TRIP6: variants seen among roughly 807,000 people sequenced by gnomAD.
TRIP6 encodes thyroid hormone receptor interactor 6.
A neutral mutation model predicts 51.9 loss-of-function variants in TRIP6; 33 were observed. The observed-to-expected ratio is 0.64, with a 90% confidence interval of 0.48 to 0.85. The LOEUF (loss-of-function observed/expected upper bound fraction) is 0.85. Among genes scored for constraint, TRIP6 ranks in the 40% least tolerant of loss-of-function variants. The pLI, the probability that TRIP6 is intolerant of heterozygous loss-of-function variation, is 0.00. For missense variants in TRIP6, 661 were observed against 652.1 expected, an observed-to-expected ratio of 1.01 and a Z score of -0.15; for synonymous variants, 255 against 275.8, an observed-to-expected ratio of 0.92 and a Z score of 0.75.
rs1235909110 is a variant in TRIP6, at chr7:100,873,344, C to T, written c.*41C>T. On this transcript the variant is annotated 3_prime_UTR_variant, in exon 9 of 9. Transcript: ENST00000200457. Reference sequence around the variant, plus strand: ...CCTGCTGGGTTCTCAGTTCCAGTTCCCATCCTTTGATTGATCACTCTCCCT... The same window carrying T: ...CCTGCTGGGTTCTCAGTTCCAGTTCTCATCCTTTGATTGATCACTCTCCCT... 2.5e-6 allele frequency: 4 copies of T among 1,572,656 alleles called. No homozygotes were observed. The highest frequency in any genetic ancestry group is 1.7e-4 in the Middle Eastern group (1 of 5,754).
rs188891142 is a variant in TRIP6 at position 100,869,360 on chromosome 7, C to T, written c.735+494C>T. On this transcript the variant is annotated intron_variant, in intron 4 of 8. Coordinates refer to ENST00000200457, the MANE Select transcript of TRIP6 (RefSeq NM_003302.3). Reference sequence around the variant, plus strand: ...TAGAACTGCCCATTGGGGCTGAGCGCGGTGGCTCATGCCTGTAATCCCAGC... The same window carrying T: ...TAGAACTGCCCATTGGGGCTGAGCGTGGTGGCTCATGCCTGTAATCCCAGC... Among the ~76,000 whole-genome samples, 194 of 150,010 alleles carry T rather than the reference C, an allele frequency of 1.3e-3. 2 individuals are homozygous for T. The highest frequency in any genetic ancestry group is 4.4e-3 in the African/African-American group (180 of 40,966).
At chr7:100,872,439 GA>G (rs1815294597) in intron 7 of TRIP6, among the ~76,000 whole-genome samples, 184 bp from the exon 8 acceptor site, 1 of 152,098 alleles carries the variant, frequency 6.6e-6, no homozygotes, top group South Asian at 2.1e-4. Flanking sequence ...AAAGTCGGGG[GA>G]TTGCAGGCTA....
chr7:100,871,973 C>T (rs1482431125), intron 7 of TRIP6, among the ~76,000 whole-genome samples: 2 of 150,982 alleles, frequency 1.3e-5, no homozygotes, highest in Non-Finnish European at 2.9e-5. Context: ...GTAGCTGGGA[C>T]TACGGGTGCA....
chr7:100,871,163 C>A, intron 6 of TRIP6: 1 of 474,782 alleles, frequency 2.1e-6, no homozygotes, highest in Non-Finnish European at 4.1e-6. Flanking sequence ...GGCTCCCGAG[C>A]AGTTGGGATT....
chr7:100,867,734 G>A lies in TRIP6; in HGVS notation c.110-127G>A, dbSNP rs1815172428. 5.3e-6 allele frequency: 8 copies of A among 1,518,448 alleles called. No homozygotes were observed. The African/African-American group carries it at 7.0e-5, about 13-fold the overall frequency. The allele number at this position is 1,518,448 out of a possible 1,614,324, so 94.1% of individuals were successfully genotyped here. A position where few individuals can be genotyped will look rare whatever the true frequency, so the allele number is the denominator to read the frequency against. ...CCAAGCCGAGGCGGGGGGAACAGCC[G>A]CCTGCGCTCTCTTGGGACCCTAGAT... On this transcript the variant is annotated intron_variant, in intron 1 of 8. Coordinates refer to ENST00000200457, the MANE Select transcript of TRIP6 (RefSeq NM_003302.3). This position sits in a 1 kb window ranked among gnomAD's most constrained non-coding sequence, Gnocchi z 5.4.
At chr7:100,870,116 C>G (rs931639619) in intron 4 of TRIP6, among the ~76,000 whole-genome samples, 1 of 152,146 alleles carries the variant, frequency 6.6e-6, no homozygotes, top group African/African-American at 2.4e-5. Flanking sequence ...CTACATCCTT[C>G]GAACACACAG....
In TRIP6 at chr7:100,870,469, C is replaced by A; in HGVS notation, c.829+6C>A. The stretch of plus-strand genomic sequence containing the variant: ...GCCCAGCGGGGAGTACTTTGGTGAG[C>A]TGAGGCTGTGGGGTGGGTGGGACGT... On this transcript the variant is annotated splice_donor_region_variant and intron_variant, in intron 5 of 8. Transcript: ENST00000200457. 6.3e-7 allele frequency: 1 copy of A among 1,599,708 alleles called. No individual in the cohort carries two copies. Among genetic ancestry groups the A allele is most frequent in the Non-Finnish European group, 8.5e-7 (1 of 1,170,544 alleles).
At position 100,868,851 on chromosome 7, in the gene TRIP6, C is replaced by A. The variant is rs370303544; in HGVS notation, c.720C>A (p.Gly240=). ...VSGPAGRGRG[G]EHGPQVPLSQ... is the part of the protein sequence containing the mutation. ...GCCCTGCAGGAAGAGGAAGAGGAGG[C>A]GAGCACGGGCCCCAGGTGAGCCCTG... is the stretch of plus-strand genomic sequence containing the variant. The change falls in exon 4 of 9, where the codon GGC becomes GGA. Residue 240 remains glycine (G), a synonymous_variant. Coordinates refer to ENST00000200457, the MANE Select transcript of TRIP6 (RefSeq NM_003302.3). The A allele has an allele frequency of 6.6e-7, 1 of 1,511,720 alleles. No individual in the cohort carries two copies. The highest frequency in any genetic ancestry group is 2.4e-5 in the Admixed American group (1 of 42,350). The allele number at this position is 1,511,720 out of a possible 1,614,324, so 93.6% of individuals were successfully genotyped here.
intron 7 of TRIP6, 78 bp from the exon 8 acceptor site, chr7:100,872,546 C>A (rs1333471068): frequency 2.5e-6 from 4 of 1,585,930 alleles, no homozygotes; most frequent in Middle Eastern, 3.8e-4. Context: ...CCTCCTGTGC[C>A]CCACCTTCTC....
At chr7:100,869,259 A>G (rs2115621022) in intron 4 of TRIP6, among the ~76,000 whole-genome samples, 1 of 150,824 alleles carries the variant, frequency 6.6e-6, no homozygotes, top group African/African-American at 2.4e-5. Flanking sequence ...CGCCTGGCCA[A>G]GGGGCTGGTT....
intron 5 of TRIP6, 48 bp from the exon 6 acceptor site, chr7:100,870,526 T>C (rs1815246197): frequency 1.9e-6 from 3 of 1,606,802 alleles, no homozygotes; most frequent in Non-Finnish European, 2.6e-6. Flanking sequence ...GAGGGGACAG[T>C]GGCTTCCTGG....
Position 100,870,756 on chromosome 7 carries a change from G to C in TRIP6, c.999+13G>C, listed in dbSNP as rs1410830230. Reference sequence around the variant, plus strand: ...GGGCTGCTACGTGGTGAGTGGCTGGGGCTGGGAGGAGGGAGTCAGTGGCTG... The same window carrying C: ...GGGCTGCTACGTGGTGAGTGGCTGGCGCTGGGAGGAGGGAGTCAGTGGCTG... On this transcript the variant is annotated intron_variant, in intron 6 of 8. Coordinates refer to ENST00000200457, the MANE Select transcript of TRIP6 (RefSeq NM_003302.3). 1.2e-6 allele frequency: 2 copies of C among 1,605,044 alleles called. No individual in the cohort carries two copies. The highest frequency in any genetic ancestry group is 4.5e-5 in the East Asian group (2 of 44,676).
At position 100,870,718 on chromosome 7, in the gene TRIP6, G is replaced by A. The variant is rs1287443745; in HGVS notation, c.974G>A (p.Arg325Lys). 4 of 1,613,692 alleles carry A rather than the reference G, an allele frequency of 2.5e-6. No individual in the cohort carries two copies. Among genetic ancestry groups the A allele is most frequent in the Non-Finnish European group, 3.4e-6 (4 of 1,179,710 alleles). ...RGQHFYAVER[R>K]AYCEGCYVAT... ...CAGCATTTCTACGCCGTGGAGAGGA[G>A]GGCATATTGCGAGGGCTGCTACGTG... The change falls in exon 6 of 9, where the codon AGG (arginine) becomes AAG (lysine). Residue 325 changes from arginine to lysine, a missense_variant. Physicochemically the swap from Arg to Lys is conservative, Grantham distance 26. Coordinates refer to ENST00000200457, the MANE Select transcript of TRIP6 (RefSeq NM_003302.3).
At chr7:100,871,185 C>T (rs1303689912) in intron 6 of TRIP6, 1 of 448,178 alleles carries the variant, frequency 2.2e-6, no homozygotes, top group East Asian at 5.6e-5. Flanking sequence ...CAGGTGCCCA[C>T]CACCACACCC....
chr7:100,872,181 GTTTTTT>G (rs34239953), intron 7 of TRIP6, among the ~76,000 whole-genome samples: 35 of 95,586 alleles, frequency 3.7e-4, no homozygotes, highest in South Asian at 1.8e-3. Flanking sequence ...CGCCTGGCTA[GTTTTTT>G]TTTTTTTTTT....
chr7:100,867,761 TG>T lies in TRIP6; in HGVS notation c.110-95del. 9 of 1,508,408 alleles carry T rather than the reference TG, an allele frequency of 6.0e-6. No individual in the cohort carries two copies. Among genetic ancestry groups the T allele is most frequent in the Non-Finnish European group, 5.3e-6 (6 of 1,130,360 alleles). The allele number at this position is 1,508,408 out of a possible 1,614,324, so 93.4% of individuals were successfully genotyped here. A position where few individuals can be genotyped will look rare whatever the true frequency, so the allele number is the denominator to read the frequency against. On this transcript the variant is annotated intron_variant, in intron 1 of 8. Coordinates refer to ENST00000200457, the MANE Select transcript of TRIP6 (RefSeq NM_003302.3). This position sits in a 1 kb window ranked among gnomAD's most constrained non-coding sequence, Gnocchi z 5.4. ...CTGCGCTCTCTTGGGACCCTAGATTTGGGGGAGGAGGTAACGAGAGGCGGAG... is the reference window on the plus strand; with the variant it reads ...CTGCGCTCTCTTGGGACCCTAGATTTGGGGAGGAGGTAACGAGAGGCGGAG...
chr7:100,868,228 C>G lies in TRIP6; in HGVS notation c.358C>G (p.Arg120Gly), dbSNP rs777332634. 1 of 1,607,608 alleles carries G rather than the reference C, an allele frequency of 6.2e-7. No homozygotes were observed. The highest frequency in any genetic ancestry group is 8.5e-7 in the Non-Finnish European group (1 of 1,176,780). ...GGGTCATGCGTCACGGCGACCAGAC[C>G]GACAGGTGACTCTGCCCCTCCTCCC... ...GRGHASRRPDRQAYEPPPPPA... is the reference protein window; with the variant it reads ...GRGHASRRPDGQAYEPPPPPA... The change falls in exon 3 of 9, where the codon CGA becomes GGA. Residue 120 changes from arginine to glycine, a missense_variant. Coordinates refer to ENST00000200457, the MANE Select transcript of TRIP6 (RefSeq NM_003302.3).
chr7:100,872,790 G>T, intron 8 of TRIP6, 46 bp downstream of exon 8: 1 of 1,609,534 alleles, frequency 6.2e-7, no homozygotes, highest in Non-Finnish European at 8.5e-7. Flanking sequence ...TGTCTAGGGT[G>T]CTGGGTAGAG....
At position 100,872,170 on chromosome 7, in the gene TRIP6, ACGCCTGGC is replaced by A. The variant is rs573068196; in HGVS notation, c.1178+450_1179-446del. On this transcript the variant is annotated intron_variant, in intron 7 of 8. Coordinates refer to ENST00000200457, the MANE Select transcript of TRIP6 (RefSeq NM_003302.3). Reference sequence around the variant, plus strand: ...GCTGGGATTACGGGCGCATGCCACCACGCCTGGCTAGTTTTTTTTTTTTTTTTTTTTTT... The same window carrying A: ...GCTGGGATTACGGGCGCATGCCACCATAGTTTTTTTTTTTTTTTTTTTTTT... 6.3e-4 allele frequency among the ~76,000 whole-genome samples: 89 copies of A among 140,258 alleles called. No individual in the cohort carries two copies. In the Middle Eastern group the frequency reaches 0.012, roughly 19 times the overall value. The allele number at this position is 140,258 out of a possible 152,430, so 92.0% of individuals were successfully genotyped here.
Sources: allele counts gnomAD v4.1 joint callset (sites outside exome capture counted in the v4.1 genomes callset), GRCh38; gene constraint gnomAD v4.1.1; non-coding constraint Gnocchi (gnomAD v3.1); transcripts MANE v1.5; gene names NCBI Gene and HGNC (gene_info 2026-07-23, HGNC 2026-07-21).